The following LRRFIP1 variants were observed in gnomAD, a reference collection of about 807,000 sequenced individuals.
LRRFIP1 encodes the protein LRR binding FLII interacting protein 1, also known as leucine-rich repeat flightless-interacting protein 1.
Under a neutral mutation model 104.4 loss-of-function variants are expected in LRRFIP1, and 62 were observed. The ratio of observed to expected loss-of-function variants is 0.59; its 90% CI spans 0.48 to 0.73. The LOEUF is 0.73. Among genes scored for constraint, LRRFIP1 ranks in the 30% least tolerant of loss-of-function variants. The pLI is 0.00. For missense variants in LRRFIP1, 796 were observed against 824.5 expected (o/e 0.97, Z 0.42); for synonymous variants, 300 against 299.0 (o/e 1.00, Z -0.03).
In LRRFIP1 at chr2:237,752,277, G is replaced by A. The variant is rs571066223; in HGVS notation, c.867+1006G>A. On this transcript the variant is annotated intron_variant, in intron 14 of 23. Transcript: ENST00000308482. ...AAAAATTAGCCAGGTGTGGTGGTGC[G>A]CACCTGTAATCCCAGCTACTTGGGA... is the stretch of plus-strand genomic sequence containing the variant. 2.8e-4 allele frequency among the ~76,000 whole-genome samples: 43 copies of A among 152,282 alleles called. No individual in the cohort carries two copies. The South Asian group carries it at 6.8e-3, about 24-fold the overall frequency.
In LRRFIP1 at chr2:237,749,206, G is replaced by A. The variant is rs755681904; in HGVS notation, c.677G>A (p.Arg226His). ...PEKDFTEKGS[R>H]NMPGLSAATL... ...ATCCTCTCAACGTTCCAGGGGTCTC[G>A]TAACATGCCGGGCCTGTCTGCAGCC... The change falls in exon 13 of 24, where the codon CGT (arginine) becomes CAT (histidine). Residue 226 changes from arginine (R) to histidine (H), a missense_variant. By Grantham distance (29) the Arg-to-His change is conservative. Transcript: ENST00000308482. 1.0e-4 allele frequency: 166 copies of A among 1,613,014 alleles called. 2 individuals are homozygous for A. The highest frequency in any genetic ancestry group is 1.3e-4 in the Non-Finnish European group (159 of 1,179,930).
At chr2:237,704,345 G>C (rs2093699925) in intron 1 of LRRFIP1, among the ~76,000 whole-genome samples, 1 of 151,854 alleles carries the variant, frequency 6.6e-6, no homozygotes, top group South Asian at 2.1e-4. Flanking sequence ...GTAGAGACAG[G>C]GTTTCACCAT....
intron 15 of LRRFIP1, among the ~76,000 whole-genome samples, chr2:237,755,172 G>A (rs150874914): frequency 2.0e-5 from 3 of 152,340 alleles, no homozygotes; most frequent in African/African-American, 4.8e-5. Flanking sequence ...CTGTGACTGG[G>A]CAGGAACACA....
intron 1 of LRRFIP1, among the ~76,000 whole-genome samples, chr2:237,688,456 CTTTTTTTTTTTTTTT>C (rs67002704): frequency 2.2e-5 from 2 of 90,170 alleles, no homozygotes; most frequent in East Asian, 6.4e-4. Flanking sequence ...TTTTTTTTTT[CTTTTTTTTTTTTTTT>C]TTGAGACAGA....
Position 237,672,558 on chromosome 2 carries a change from A to G in LRRFIP1, c.97-35986A>G, listed in dbSNP as rs141210000. On this transcript the variant is annotated intron_variant, in intron 1 of 23. Transcript: ENST00000308482. The stretch of plus-strand genomic sequence containing the variant: ...AAGATCTTAAAACTATTAGTTTTCC[A>G]TTATGATCAGATGGCTCTGTCAAAA... 6.4e-4 allele frequency among the ~76,000 whole-genome samples: 97 copies of G among 152,362 alleles called. 1 individual carries two copies. The highest frequency in any genetic ancestry group is 2.1e-3 in the African/African-American group (89 of 41,588).
intron 1 of LRRFIP1, among the ~76,000 whole-genome samples, chr2:237,647,415 G>A (rs7608742): frequency 7.8e-4 from 118 of 152,118 alleles, no homozygotes; most frequent in African/African-American, 2.8e-3. Flanking sequence ...GGCTCCTCTA[G>A]CCAATGTGAG....
chr2:237,659,922 A>G (rs980055986), intron 1 of LRRFIP1, among the ~76,000 whole-genome samples: 1 of 152,240 alleles, frequency 6.6e-6, no homozygotes, highest in Non-Finnish European at 1.5e-5. Context: ...TACAGGCGTG[A>G]GCCACCGCAA....
Position 237,703,767 on chromosome 2 carries a change from T to C in LRRFIP1, c.97-4777T>C, listed in dbSNP as rs1489635618. On this transcript the variant is annotated intron_variant, in intron 1 of 23. Coordinates refer to ENST00000308482, the MANE Select transcript of LRRFIP1 (RefSeq NM_001137550.2). This position sits in a 1 kb window ranked among gnomAD's most constrained non-coding sequence, Gnocchi z 4.3. ...CTGGAGACTGGGCACCCAAACCACA[T>C]TTCAGAAATCCCTCCCACTGTCTCA... Among the ~76,000 whole-genome samples the C allele has an allele frequency of 2.0e-5, 3 of 151,986 alleles. No homozygotes were observed. Among genetic ancestry groups the C allele is most frequent in the Non-Finnish European group, 4.4e-5 (3 of 68,002 alleles).
intron 18 of LRRFIP1, 27 bp downstream of exon 18, chr2:237,758,848 TAA>T: frequency 6.7e-7 from 1 of 1,481,602 alleles, no homozygotes. Flanking sequence ...CAGTTTTATT[TAA>T]AAAAAAAGAA....
intron 1 of LRRFIP1, among the ~76,000 whole-genome samples, chr2:237,647,253 A>T (rs2085076610): frequency 1.3e-5 from 2 of 152,038 alleles, no homozygotes; most frequent in South Asian, 4.2e-4. Context: ...ACTGGAGGCC[A>T]TTGGCGGTGT....
At chr2:237,634,683 C>T (rs1213845719) in intron 1 of LRRFIP1, among the ~76,000 whole-genome samples, 2 of 152,184 alleles carry the variant, frequency 1.3e-5, no homozygotes, top group Non-Finnish European at 2.9e-5. Flanking sequence ...TAAATAATGT[C>T]AATTGCAGAG....
intron 19 of LRRFIP1, 154 bp from the exon 20 acceptor site, chr2:237,769,789 C>A (rs1447855916): frequency 7.0e-5 from 46 of 655,366 alleles, no homozygotes; most frequent in South Asian, 4.3e-4. Flanking sequence ...CCTCATTCAC[C>A]CCGTCCTGTC....
intron 6 of LRRFIP1, 22 bp from the exon 7 acceptor site, chr2:237,723,526 T>A: frequency 6.2e-7 from 1 of 1,613,458 alleles, no homozygotes; most frequent in East Asian, 2.2e-5. Flanking sequence ...GTTTTTTTTT[T>A]CTGCCATCTT....
At chr2:237,648,659 T>C (rs959292109) in intron 1 of LRRFIP1, among the ~76,000 whole-genome samples, 1 of 151,574 alleles carries the variant, frequency 6.6e-6, no homozygotes, top group Non-Finnish European at 1.5e-5. Flanking sequence ...TCTTTGTCTC[T>C]CTTGCCTGTG....
intron 1 of LRRFIP1, among the ~76,000 whole-genome samples, chr2:237,652,201 C>G (rs966878663): frequency 1.3e-5 from 2 of 152,228 alleles, no homozygotes; most frequent in Non-Finnish European, 2.9e-5. Context: ...TGCACCTTAC[C>G]TTTCAAGTTC....
At chr2:237,739,416 T>C (rs2095348408) in intron 11 of LRRFIP1, 107 bp downstream of exon 11, 1 of 979,298 alleles carries the variant, frequency 1.0e-6, no homozygotes, top group Non-Finnish European at 1.5e-6. Context: ...TCTGCGGTGA[T>C]ATTATTAGGA....
intron 1 of LRRFIP1, among the ~76,000 whole-genome samples, chr2:237,694,194 TTTGA>T (rs1025137792): frequency 6.6e-6 from 1 of 152,226 alleles, no homozygotes; most frequent in Non-Finnish European, 1.5e-5. Flanking sequence ...TGTTGATGTC[TTTGA>T]TTAAGGGCTG....
intron 1 of LRRFIP1, among the ~76,000 whole-genome samples, chr2:237,688,001 G>C (rs1173768215): frequency 1.3e-5 from 2 of 152,206 alleles, no homozygotes; most frequent in African/African-American, 4.8e-5. Context: ...GGTTAGCTAT[G>C]ATTCTGATGT....
At chr2:237,715,370 G>A (rs184357855) in intron 3 of LRRFIP1, among the ~76,000 whole-genome samples, 15 of 152,298 alleles carry the variant, frequency 9.8e-5, no homozygotes, top group African/African-American at 3.4e-4. Flanking sequence ...AAGGCCAGGC[G>A]GGGAGCCCTC....
Sources: gnomAD v4.1 joint callset for allele counts (sites outside exome capture counted in the v4.1 genomes callset) on GRCh38, gnomAD v4.1.1 for gene constraint, Gnocchi (gnomAD v3.1) non-coding constraint, MANE v1.5 for transcripts, NCBI Gene and HGNC (gene_info 2026-07-23, HGNC 2026-07-21) for gene names.